NBAS: variants seen among roughly 807,000 people sequenced by gnomAD.
NBAS encodes the protein NBAS subunit of NRZ tethering complex, also known as NAG/BC035112 fusion.
NBAS carries 219 observed loss-of-function variants against 302.5 expected under a neutral mutation model. The observed-to-expected ratio is 0.72, with a 90% CI of 0.65 to 0.81. The LOEUF (loss-of-function observed/expected upper bound fraction) is 0.81. NBAS is among the 30% of genes least tolerant of loss of function. The pLI is 0.00. For missense variants in NBAS, 2,932 were observed against 2,841.6 expected, an observed-to-expected ratio of 1.03 and a Z score of -0.72; for synonymous variants, 1,118 against 1,021.6, an observed-to-expected ratio of 1.09 and a Z score of -1.80.
At chr2:15,197,959 A>G (rs960279200) in intron 48 of NBAS, among the ~76,000 whole-genome samples, 21 of 152,254 alleles carry the variant, frequency 1.4e-4, no homozygotes, top group Non-Finnish European at 1.8e-4. Flanking sequence ...ATGATTCAAA[A>G]GAGGGTCTTT....
chr2:15,195,870 CT>C (rs1284714498), intron 48 of NBAS, among the ~76,000 whole-genome samples: 1 of 152,178 alleles, frequency 6.6e-6, no homozygotes, highest in South Asian at 2.1e-4. Flanking sequence ...GCGTACAACT[CT>C]AGTAAACACA....
At position 15,533,004 on chromosome 2, in the gene NBAS, A is replaced by T. The variant is rs2160694; in HGVS notation, c.746+1539T>A. ...GATGAGAAAACATGAATGGCCGATA[A>T]CATATGAAAAGCTACTCAGTTTCAT... On this transcript the variant is annotated intron_variant, in intron 9 of 51. Transcript: ENST00000281513. 7.9e-3 allele frequency among the ~76,000 whole-genome samples: 1,207 copies of T among 152,324 alleles called. 19 individuals carry two copies. The highest frequency in any genetic ancestry group is 0.057 in the East Asian group (296 of 5,188).
chr2:15,164,274 C>T (rs1449497228), downstream of NBAS, among the ~76,000 whole-genome samples: 1 of 152,136 alleles, frequency 6.6e-6, no homozygotes, highest in African/African-American at 2.4e-5. Flanking sequence ...ATTCAAATGC[C>T]CTCCAGGATG....
chr2:15,098,585 A>G, the NBAS span, among the ~76,000 whole-genome samples: 37 of 112,392 alleles, frequency 3.3e-4, no homozygotes, highest in African/African-American at 1.1e-3. Flanking sequence ...AATGTATTAT[A>G]TATTATATAT....
At chr2:15,427,551 T>C (rs1460059931) in intron 22 of NBAS, among the ~76,000 whole-genome samples, 160 bp downstream of exon 22, 3 of 152,194 alleles carry the variant, frequency 2.0e-5, no homozygotes, top group Non-Finnish European at 4.4e-5. Flanking sequence ...TAAAAAATTT[T>C]AACATAACTG....
chr2:14,989,707 C>A, the NBAS span, among the ~76,000 whole-genome samples: 1 of 152,060 alleles, frequency 6.6e-6, no homozygotes, highest in Non-Finnish European at 1.5e-5. Context: ...TTCAGAAAAA[C>A]AAGCCTTCAG....
the NBAS span, among the ~76,000 whole-genome samples, chr2:15,127,608 C>T: frequency 1.3e-5 from 2 of 152,220 alleles, no homozygotes; most frequent in African/African-American, 4.8e-5. Flanking sequence ...GGCTGTTCTT[C>T]TTTTAAGACC....
chr2:15,168,406 G>A (rs1262250936), intron 51 of NBAS, among the ~76,000 whole-genome samples: 1 of 152,180 alleles, frequency 6.6e-6, no homozygotes, highest in Non-Finnish European at 1.5e-5. Flanking sequence ...GAAGTACTGA[G>A]AATAAAATCC....
chr2:15,561,087 C>G lies in NBAS; in HGVS notation c.117+101G>C, dbSNP rs1664895413. 6.7e-6 allele frequency: 7 copies of G among 1,042,570 alleles called. No homozygotes were observed. In the Admixed American group the frequency reaches 1.2e-4, roughly 18 times the overall value. 64.6% of individuals were successfully genotyped at this position (1,042,570 alleles called of 1,614,324 possible). A position where few individuals can be genotyped will look rare whatever the true frequency, so the allele number is the denominator to read the frequency against. On this transcript the variant is annotated intron_variant, in intron 1 of 51. Transcript: ENST00000281513. ...CACAAGCCAACCGGCCCTAGTCCCC[C>G]ACCCACCCGTCTCCACTCCCCTACG...
intron 25 of NBAS, among the ~76,000 whole-genome samples, chr2:15,404,266 G>T (rs1221659880): frequency 1.3e-5 from 2 of 152,100 alleles, no homozygotes; most frequent in African/African-American, 4.8e-5. Flanking sequence ...CCTAAACTAA[G>T]CAAGACAGGC....
At chr2:14,849,637 C>T in the NBAS span, among the ~76,000 whole-genome samples, 1 of 142,072 alleles carries the variant, frequency 7.0e-6, no homozygotes, top group African/African-American at 3.0e-5. Flanking sequence ...GTCAGATTCA[C>T]CAAAGTTGAA....
intron 32 of NBAS, among the ~76,000 whole-genome samples, chr2:15,362,176 C>T (rs1673962217): frequency 2.0e-5 from 3 of 149,462 alleles, no homozygotes; most frequent in South Asian, 4.3e-4. Flanking sequence ...TTGGCCCAAT[C>T]TATTCTGAGA....
chr2:14,795,816 C>T, the NBAS span, among the ~76,000 whole-genome samples: 6 of 152,310 alleles, frequency 3.9e-5, no homozygotes, highest in South Asian at 1.2e-3. Context: ...CCAACCCCAA[C>T]TGTAACAGCC....
intron 51 of NBAS, among the ~76,000 whole-genome samples, chr2:15,178,351 A>T (rs1664654105): frequency 6.6e-6 from 1 of 152,206 alleles, no homozygotes; most frequent in Non-Finnish European, 1.5e-5. Context: ...ATACAACATG[A>T]GTTCGTTAAA....
the NBAS span, among the ~76,000 whole-genome samples, chr2:14,924,203 GT>G: frequency 6.6e-6 from 1 of 152,186 alleles, no homozygotes; most frequent in Non-Finnish European, 1.5e-5. Context: ...CGCAAATCAA[GT>G]TTTTCCAGGG....
chr2:15,228,846 C>G (rs1228203944), intron 47 of NBAS, among the ~76,000 whole-genome samples: 1 of 151,970 alleles, frequency 6.6e-6, no homozygotes. Flanking sequence ...TAGGAGAGGA[C>G]GGTCAATAGG....
Position 15,366,703 on chromosome 2 carries a change from A to G in NBAS, c.3704-10T>C, listed in dbSNP as rs749027940. On this transcript the variant is annotated splice_polypyrimidine_tract_variant and intron_variant, in intron 31 of 51. Transcript: ENST00000281513. ...TCAGGGCACAATCGCACTACAAAAG[A>G]AAGACGTATTAAAGACTTGGACCAG... 7 of 1,612,134 alleles carry G rather than the reference A, an allele frequency of 4.3e-6. No individual in the cohort carries two copies. The East Asian group carries it at 1.6e-4, about 36-fold the overall frequency.
Position 15,292,724 on chromosome 2 carries a change from T to G in NBAS, c.4840A>C (p.Thr1614Pro). 1 of 1,614,022 alleles carries G rather than the reference T, an allele frequency of 6.2e-7. No homozygotes were observed. Among genetic ancestry groups the G allele is most frequent in the Non-Finnish European group, 8.5e-7 (1 of 1,180,004 alleles). Residue 1614 changes from threonine to proline, a missense_variant, in exon 41 of 52, where the codon ACT becomes CCT. Coordinates refer to ENST00000281513, the MANE Select transcript of NBAS (RefSeq NM_015909.4). ...GGCCAGGCTTCGTGCTCATGTCGAG[T>G]CACATGCCTGGTGACCATCTTGATT... ...ELIKMVTRHV[T>P]RHEHEAWPED...
chr2:15,473,450 C>A, intron 15 of NBAS, 103 bp from the exon 16 acceptor site: 1 of 1,431,562 alleles, frequency 7.0e-7, no homozygotes, highest in Non-Finnish European at 9.6e-7. Context: ...ACTTATCCAG[C>A]ATGTCACTAA....
Sources: allele counts gnomAD v4.1 joint callset (sites outside exome capture counted in the v4.1 genomes callset), GRCh38; gene constraint gnomAD v4.1.1; transcripts MANE v1.5; gene names NCBI Gene and HGNC (gene_info 2026-07-23, HGNC 2026-07-21).